The following PTPRT variants were observed in gnomAD, a reference collection of about 807,000 sequenced individuals.
PTPRT encodes the protein protein tyrosine phosphatase receptor type T.
PTPRT carries 56 observed loss-of-function variants against 176.8 expected under a neutral mutation model. The observed-to-expected ratio is 0.32, with a 90% confidence interval of 0.26 to 0.40. The LOEUF (loss-of-function observed/expected upper bound fraction) is 0.40. Among genes scored for constraint, PTPRT ranks in the 10% least tolerant of loss-of-function variants. PTPRT has a pLI of 1.00. For missense variants in PTPRT, 1,540 were observed against 1,908.2 expected (o/e 0.81, Z 3.60); for synonymous variants, 783 against 739.0 (o/e 1.06, Z -0.96).
intron 7 of PTPRT, among the ~76,000 whole-genome samples, chr20:42,669,114 C>T (rs540701378): frequency 8.7e-4 from 133 of 152,164 alleles, no homozygotes; most frequent in Non-Finnish European, 1.5e-3. Flanking sequence ...GGTCCTACAA[C>T]CCAGAGGAAG....
At chr20:42,177,002 T>C (rs1454639363) in intron 16 of PTPRT, among the ~76,000 whole-genome samples, 1 of 152,214 alleles carries the variant, frequency 6.6e-6, no homozygotes, top group Non-Finnish European at 1.5e-5. Flanking sequence ...AGAACACAGT[T>C]TGGGAGTTAC....
At chr20:42,199,212 C>G in intron 16 of PTPRT, 28 bp downstream of exon 16, 1 of 1,611,350 alleles carries the variant, frequency 6.2e-7, no homozygotes, top group Admixed American at 1.7e-5. Flanking sequence ...CCACGGATGT[C>G]CCCTTCCCCT....
intron 7 of PTPRT, among the ~76,000 whole-genome samples, chr20:42,670,832 G>A (rs572936886): frequency 2.6e-5 from 4 of 152,266 alleles, no homozygotes; most frequent in South Asian, 2.1e-4. Flanking sequence ...TGCGTCAAGC[G>A]AAGTTTGGGG....
chr20:42,906,828 A>G (rs1270256219), intron 1 of PTPRT, among the ~76,000 whole-genome samples: 1 of 152,190 alleles, frequency 6.6e-6, no homozygotes, highest in Non-Finnish European at 1.5e-5. Flanking sequence ...TAAAATGCAA[A>G]TGACAGACTA....
At chr20:42,489,615 T>TTATCTAAA (rs1419852904) in intron 7 of PTPRT, among the ~76,000 whole-genome samples, 3 of 152,136 alleles carry the variant, frequency 2.0e-5, no homozygotes, top group Non-Finnish European at 4.4e-5. Flanking sequence ...TACATGTGCA[T>TTATCTAAA]TTTTAAAATT....
rs139618524 is a variant in PTPRT, at chr20:42,827,505, A to G, written c.215-36039T>C. Among the ~76,000 whole-genome samples, 17 of 152,336 alleles carry G rather than the reference A, an allele frequency of 1.1e-4. No homozygotes were observed. The East Asian group carries it at 2.9e-3, about 26-fold the overall frequency. On this transcript the variant is annotated intron_variant, in intron 2 of 30. Coordinates refer to ENST00000373187, the MANE Select transcript of PTPRT (RefSeq NM_007050.6). ...GACATCAAGAAGTTGTTTGAAACTAATGAGAACAAAGATACAACATACCAG... is the reference window on the plus strand; with the variant it reads ...GACATCAAGAAGTTGTTTGAAACTAGTGAGAACAAAGATACAACATACCAG...
intron 8 of PTPRT, 108 bp from the exon 9 acceptor site, chr20:42,448,437 A>C: frequency 1.2e-6 from 1 of 813,380 alleles, no homozygotes; most frequent in Non-Finnish European, 2.1e-6. Flanking sequence ...ACCAGATAGT[A>C]AATATTTTAG....
rs2077373422 is a variant in PTPRT at position 42,791,401 on chromosome 20, T to C, written c.280A>G (p.Thr94Ala). The change falls in exon 3 of 31, where the codon ACC (threonine) becomes GCC (alanine). Residue 94 changes from threonine (T) to alanine (A), a missense_variant. Physicochemically the swap from Thr to Ala is moderately conservative, Grantham distance 58 (BLOSUM62 0). This residue lies in a region of PTPRT where 116 missense variants were observed against 118.5 expected (regional missense o/e 0.98). Transcript: ENST00000373187. ...SGQKAHLLLP[T>A]LKENDTHCID... ...CAGTGGGTGTCATTCTCCTTCAGGG[T>C]TGGCAGGAGAAGGTGGGCCTTCTGG... 1.2e-6 allele frequency: 2 copies of C among 1,614,132 alleles called. No individual in the cohort carries two copies. The highest frequency in any genetic ancestry group is 2.2e-5 in the East Asian group (1 of 44,870).
intron 1 of PTPRT, among the ~76,000 whole-genome samples, chr20:42,975,753 C>G (rs6072917): frequency 6.6e-6 from 1 of 151,956 alleles, no homozygotes; most frequent in African/African-American, 2.4e-5. Context: ...CTAGCCGTTA[C>G]GTAGAAATCC....
At chr20:42,236,096 A>T (rs2056235923) in intron 15 of PTPRT, 133 bp downstream of exon 15, 1 of 695,958 alleles carries the variant, frequency 1.4e-6, no homozygotes, top group Non-Finnish European at 2.3e-6. Context: ...GCAAAATAAA[A>T]ACTTTAAGGC....
At chr20:42,566,524 A>C (rs1431120477) in intron 7 of PTPRT, among the ~76,000 whole-genome samples, 1 of 152,244 alleles carries the variant, frequency 6.6e-6, no homozygotes, top group Non-Finnish European at 1.5e-5. Flanking sequence ...AAATGGGAAC[A>C]GAAGTGATGG....
chr20:42,942,458 C>G (rs542150383), intron 1 of PTPRT, among the ~76,000 whole-genome samples: 1 of 152,216 alleles, frequency 6.6e-6, no homozygotes, highest in South Asian at 2.1e-4. Context: ...GGGTACCCCA[C>G]CACGTGTTCT....
chr20:42,663,054 G>A (rs1287539761), intron 7 of PTPRT, among the ~76,000 whole-genome samples: 4 of 151,932 alleles, frequency 2.6e-5, no homozygotes, highest in Non-Finnish European at 5.9e-5. Flanking sequence ...TATATGGCAT[G>A]TCTGTCTCTG....
chr20:43,160,391 C>T (rs983591747), intron 1 of PTPRT, among the ~76,000 whole-genome samples: 1 of 152,206 alleles, frequency 6.6e-6, no homozygotes, highest in Admixed American at 6.5e-5. Flanking sequence ...AGACTGGCAT[C>T]TTGCTGCATC....
chr20:42,270,995 A>G (rs1004616867), intron 13 of PTPRT, among the ~76,000 whole-genome samples: 4 of 152,150 alleles, frequency 2.6e-5, no homozygotes. Flanking sequence ...TGTGTTTCAC[A>G]TGGATTATTT....
At chr20:43,125,300 A>C (rs1243778711) in intron 1 of PTPRT, among the ~76,000 whole-genome samples, 2 of 151,886 alleles carry the variant, frequency 1.3e-5, no homozygotes, top group Non-Finnish European at 2.9e-5. Context: ...GTGCTGGGCC[A>C]GATTTGGGAT....
At chr20:42,061,102 C>T in the PTPRT span, among the ~76,000 whole-genome samples, 7 of 152,172 alleles carry the variant, frequency 4.6e-5, no homozygotes, top group East Asian at 1.9e-4. Context: ...TCAAGATATG[C>T]GGTAGTGACA....
At chr20:42,236,347 A>T in intron 14 of PTPRT, 89 bp from the exon 15 acceptor site, 3 of 1,150,384 alleles carry the variant, frequency 2.6e-6, no homozygotes, top group Non-Finnish European at 3.9e-6. Flanking sequence ...TTTTTAATGA[A>T]ATCTTGATTC....
chr20:42,193,976 C>T (rs80302513), intron 16 of PTPRT, among the ~76,000 whole-genome samples: 3,380 of 152,180 alleles, frequency 0.022, 129 homozygotes, highest in African/African-American at 0.077. Flanking sequence ...CTCATTACGA[C>T]TCTGCAATAT....
Sources: allele counts gnomAD v4.1 joint callset (sites outside exome capture counted in the v4.1 genomes callset), GRCh38; gene constraint gnomAD v4.1.1; regional missense constraint gnomAD v4.1.1; transcripts MANE v1.5; gene names NCBI Gene and HGNC (gene_info 2026-07-23, HGNC 2026-07-21).